The following SORCS3 variants were observed in gnomAD, a reference collection of about 807,000 sequenced individuals.
The protein encoded by SORCS3 is VPS10 domain-containing receptor SorCS3.
Under a neutral mutation model 146.3 loss-of-function variants are expected in SORCS3, and 57 were observed. The observed-to-expected ratio is 0.39, with a 90% CI of 0.31 to 0.49. SORCS3 has a LOEUF of 0.49. Ranked by LOEUF, SORCS3 falls within the 20% of genes least tolerant of loss-of-function variation. The pLI, the probability that SORCS3 is intolerant of heterozygous loss-of-function variation, is 0.92. For missense variants in SORCS3, 1,341 were observed against 1,575.5 expected, an observed-to-expected ratio of 0.85 and a Z score of 2.52; for synonymous variants, 653 against 618.5, an observed-to-expected ratio of 1.06 and a Z score of -0.83.
intron 6 of SORCS3, among the ~76,000 whole-genome samples, chr10:105,099,471 G>A (rs188011540): frequency 1.5e-4 from 23 of 152,160 alleles, no homozygotes; most frequent in Admixed American, 4.6e-4. Flanking sequence ...ACATAATCAC[G>A]GGACACCATG....
intron 5 of SORCS3, among the ~76,000 whole-genome samples, chr10:105,086,278 C>T (rs566035740): frequency 2.2e-4 from 33 of 152,250 alleles, no homozygotes; most frequent in Non-Finnish European, 4.7e-4. Flanking sequence ...GTAGACAGCT[C>T]CATAAAGGAT....
chr10:104,732,100 C>T (rs1413244980), intron 1 of SORCS3, among the ~76,000 whole-genome samples: 1 of 152,218 alleles, frequency 6.6e-6, no homozygotes, highest in Admixed American at 6.5e-5. Flanking sequence ...CGTTAGCTCT[C>T]GTGTAAATAT....
chr10:104,758,183 G>A (rs939609218), intron 1 of SORCS3, among the ~76,000 whole-genome samples: 7 of 150,870 alleles, frequency 4.6e-5, no homozygotes, highest in Non-Finnish European at 1.0e-4. Flanking sequence ...GGCAGGATCC[G>A]TTTGCATATA....
chr10:105,137,183 G>A (rs1243738940), intron 7 of SORCS3, among the ~76,000 whole-genome samples: 1 of 152,132 alleles, frequency 6.6e-6, no homozygotes, highest in Non-Finnish European at 1.5e-5. Flanking sequence ...TTTAATTGAT[G>A]ATCTCTGGCC....
At chr10:105,002,357 A>G (rs73334073) in intron 4 of SORCS3, among the ~76,000 whole-genome samples, 19,430 of 152,142 alleles carry the variant, frequency 0.13, 1,929 homozygotes, top group African/African-American at 0.28. Flanking sequence ...GTTCATTTTC[A>G]CAGAATAACC....
At chr10:104,716,550 A>G (rs1240909856) in intron 1 of SORCS3, among the ~76,000 whole-genome samples, 2 of 152,062 alleles carry the variant, frequency 1.3e-5, no homozygotes, top group African/African-American at 4.8e-5. Context: ...AGACAGGGAG[A>G]CAGGGAGTGG....
At position 105,120,145 on chromosome 10, in the gene SORCS3, C is replaced by T. The variant is rs2055921408; in HGVS notation, c.1212+14630C>T. On this transcript the variant is annotated intron_variant, in intron 7 of 26. Coordinates refer to ENST00000369701, the MANE Select transcript of SORCS3 (RefSeq NM_014978.3). ...CATACTGTTCTTGTGAGAGTGAGTT[C>T]TCACAAGATCTGATGGTTTTATAGA... 2.0e-5 allele frequency among the ~76,000 whole-genome samples: 3 copies of T among 152,244 alleles called. No individual in the cohort carries two copies. In the South Asian group the frequency reaches 6.2e-4, roughly 32 times the overall value.
chr10:105,198,104 A>T (rs1055114302), intron 14 of SORCS3, among the ~76,000 whole-genome samples: 1 of 152,162 alleles, frequency 6.6e-6, no homozygotes, highest in Non-Finnish European at 1.5e-5. Flanking sequence ...TTCAAATGCC[A>T]TGCTGGTATC....
At chr10:104,773,334 C>T (rs886575548) in intron 1 of SORCS3, among the ~76,000 whole-genome samples, 1 of 152,154 alleles carries the variant, frequency 6.6e-6, no homozygotes, top group African/African-American at 2.4e-5. Flanking sequence ...CTTGGAAACT[C>T]GGATTCATTC....
chr10:105,136,072 T>G lies in SORCS3; in HGVS notation c.1213-3325T>G, dbSNP rs146224079. Among the ~76,000 whole-genome samples, 18 of 152,340 alleles carry G rather than the reference T, an allele frequency of 1.2e-4. No homozygotes were observed. In the East Asian group the frequency reaches 3.5e-3, roughly 29 times the overall value. ...CCTGGTTCCAAAACCACTGTCATAT[T>G]TTTAGGTATTTGTTATAGCAATACC... On this transcript the variant is annotated intron_variant, in intron 7 of 26. Transcript: ENST00000369701.
chr10:104,996,959 G>A (rs895215683), intron 4 of SORCS3, among the ~76,000 whole-genome samples: 2 of 152,144 alleles, frequency 1.3e-5, no homozygotes, highest in African/African-American at 4.8e-5. Context: ...GTTGAGAAGA[G>A]TGGCATTTAT....
At chr10:104,759,235 A>G (rs984764509) in intron 1 of SORCS3, among the ~76,000 whole-genome samples, 1 of 152,216 alleles carries the variant, frequency 6.6e-6, no homozygotes, top group Admixed American at 6.5e-5. Flanking sequence ...GGAAAAGATA[A>G]TTTATTAAAA....
At chr10:105,040,893 T>G (rs1408849116) in intron 4 of SORCS3, among the ~76,000 whole-genome samples, 2 of 151,472 alleles carry the variant, frequency 1.3e-5, no homozygotes, top group Non-Finnish European at 2.9e-5. Flanking sequence ...ATGTATATAT[T>G]TTCTGTATAG....
chr10:105,087,357 T>C (rs560792349), intron 5 of SORCS3, among the ~76,000 whole-genome samples: 130 of 152,194 alleles, frequency 8.5e-4, no homozygotes, highest in Non-Finnish European at 1.6e-3. Flanking sequence ...AAGTCAGGTA[T>C]ACCTATGTAA....
At chr10:104,724,346 C>T (rs931262766) in intron 1 of SORCS3, among the ~76,000 whole-genome samples, 2 of 152,232 alleles carry the variant, frequency 1.3e-5, no homozygotes, top group Admixed American at 6.5e-5. Flanking sequence ...GAGAGATCAG[C>T]TGTTAGTCTG....
intron 5 of SORCS3, among the ~76,000 whole-genome samples, chr10:105,072,894 T>C (rs1305407255): frequency 6.6e-6 from 1 of 152,150 alleles, no homozygotes; most frequent in African/African-American, 2.4e-5. Flanking sequence ...TGAGTACTCC[T>C]AAGCCTATGC....
chr10:105,036,814 C>A (rs778596715), intron 4 of SORCS3, among the ~76,000 whole-genome samples: 22 of 152,162 alleles, frequency 1.4e-4, no homozygotes, highest in Non-Finnish European at 2.5e-4. Flanking sequence ...GAGGCAGAGA[C>A]CTCATTTCTA....
At chr10:105,098,416 G>T (rs2055761115) in intron 6 of SORCS3, among the ~76,000 whole-genome samples, 1 of 152,152 alleles carries the variant, frequency 6.6e-6, no homozygotes, top group Admixed American at 6.5e-5. Context: ...ATAACAACTT[G>T]CCCAAGGTCA....
chr10:104,692,067 G>GT (rs1477599617), intron 1 of SORCS3, among the ~76,000 whole-genome samples: 15 of 152,106 alleles, frequency 9.9e-5, no homozygotes. Flanking sequence ...TTGGGGTTAG[G>GT]TAACTGTCTA....
Sources: gnomAD v4.1 joint callset for allele counts (sites outside exome capture counted in the v4.1 genomes callset) on GRCh38, gnomAD v4.1.1 for gene constraint, MANE v1.5 for transcripts, NCBI Gene and HGNC (gene_info 2026-07-23, HGNC 2026-07-21) for gene names.